The following NCK1 variants were observed in gnomAD, a reference collection of about 807,000 sequenced individuals.
NCK1 encodes the protein NCK adaptor protein 1.
A neutral mutation model predicts 36.6 loss-of-function variants in NCK1; 19 were observed. The ratio of observed to expected loss-of-function variants is 0.52; its 90% CI spans 0.36 to 0.76. NCK1 has a LOEUF of 0.76. NCK1 is among the 30% of genes least tolerant of loss of function. NCK1 has a pLI of 0.00. For missense variants in NCK1, 358 were observed against 445.6 expected (o/e 0.80, Z 1.77); for synonymous variants, 165 against 156.0 (o/e 1.06, Z -0.43).
intron 1 of NCK1, chr3:136,899,760 T>C: frequency 8.0e-7 from 1 of 1,246,964 alleles, no homozygotes; most frequent in Non-Finnish European, 1.2e-6. Flanking sequence ...TTCAACTCTT[T>C]TATCTTGAGA....
Position 136,951,480 on chromosome 3 carries a change from A to G in NCK1, c.*3027A>G, listed in dbSNP as rs1330122668. 6.6e-6 allele frequency among the ~76,000 whole-genome samples: 1 copy of G among 152,194 alleles called. No homozygotes were observed. The highest frequency in any genetic ancestry group is 6.5e-5 in the Admixed American group (1 of 15,276). ...CCTTTAAAAATGAGAAGCTAATAAC[A>G]TGAGTTGAATTCCCACAAGTCAACA... On this transcript the variant is annotated 3_prime_UTR_variant, in exon 4 of 4. Transcript: ENST00000481752.
At chr3:136,911,382 C>G (rs746781596) in intron 1 of NCK1, among the ~76,000 whole-genome samples, 18 of 152,180 alleles carry the variant, frequency 1.2e-4, no homozygotes, top group Admixed American at 2.0e-4. Flanking sequence ...CAGCAATGTA[C>G]AAATGTTTGC....
chr3:136,908,428 G>C (rs1939742575), intron 1 of NCK1, among the ~76,000 whole-genome samples: 2 of 152,222 alleles, frequency 1.3e-5, no homozygotes, highest in African/African-American at 4.8e-5. Flanking sequence ...TAGTGGACTA[G>C]ATGTACAGCT....
At chr3:136,931,076 TTTAA>T (rs1302005943) in intron 2 of NCK1, among the ~76,000 whole-genome samples, 6 of 152,266 alleles carry the variant, frequency 3.9e-5, no homozygotes, top group South Asian at 4.2e-4. Flanking sequence ...AATATTTTTA[TTTAA>T]TTAATGTAGT....
At chr3:136,866,183 C>A (rs1256940202) in intron 1 of NCK1, among the ~76,000 whole-genome samples, 1 of 151,412 alleles carries the variant, frequency 6.6e-6, no homozygotes, top group Non-Finnish European at 1.5e-5. Flanking sequence ...CTATTTCTTT[C>A]TTTTTTTTTA....
At chr3:136,886,868 A>C (rs1465858247) in intron 1 of NCK1, among the ~76,000 whole-genome samples, 1 of 120,522 alleles carries the variant, frequency 8.3e-6, no homozygotes, top group Non-Finnish European at 1.7e-5. Context: ...TCTGAGACGG[A>C]GTTTTGCTCT....
At chr3:136,898,205 G>A (rs1374353717) in intron 1 of NCK1, among the ~76,000 whole-genome samples, 5 of 152,076 alleles carry the variant, frequency 3.3e-5, no homozygotes, top group Non-Finnish European at 5.9e-5. Flanking sequence ...AGACCAGCCT[G>A]GCCAACATGG....
chr3:136,931,661 C>A (rs1003970401), intron 2 of NCK1, among the ~76,000 whole-genome samples: 5 of 152,090 alleles, frequency 3.3e-5, no homozygotes, highest in African/African-American at 9.7e-5. Context: ...GAGCCTACTC[C>A]AAGCCAGGCA....
chr3:136,892,378 G>C (rs1939269493), intron 1 of NCK1, among the ~76,000 whole-genome samples: 1 of 152,150 alleles, frequency 6.6e-6, no homozygotes. Flanking sequence ...AGTCCAGTTT[G>C]ACTCTTTTCG....
chr3:136,919,045 T>G (rs1940038708), intron 1 of NCK1, among the ~76,000 whole-genome samples: 1 of 152,212 alleles, frequency 6.6e-6, no homozygotes, highest in Non-Finnish European at 1.5e-5. Context: ...AGTGAACTAC[T>G]GATTTACACA....
chr3:136,879,131 C>CAA lies in NCK1; in HGVS notation c.-19+16786_-19+16787dup, dbSNP rs35320281. ...AACAAACTGGGAACAATCAGAACAACAAAAAAAAAGGCTCAGTAGAACAGT... is the reference window on the plus strand; with the variant it reads ...AACAAACTGGGAACAATCAGAACAACAAAAAAAAAAAGGCTCAGTAGAACAGT... On this transcript the variant is annotated intron_variant, in intron 1 of 3. Coordinates refer to ENST00000481752, the MANE Select transcript of NCK1 (RefSeq NM_001291999.2). 6.7e-3 allele frequency among the ~76,000 whole-genome samples: 998 copies of CAA among 148,808 alleles called. 6 individuals carry two copies. The highest frequency in any genetic ancestry group is 0.036 in the East Asian group (182 of 5,088).
At chr3:136,905,024 T>C (rs6768002) in intron 1 of NCK1, among the ~76,000 whole-genome samples, 1 of 149,206 alleles carries the variant, frequency 6.7e-6, no homozygotes, top group African/African-American at 2.4e-5. Flanking sequence ...TTTTTTTTTT[T>C]CTTTTTGAGA....
At chr3:136,881,364 T>A (rs1938930719) in intron 1 of NCK1, among the ~76,000 whole-genome samples, 1 of 152,004 alleles carries the variant, frequency 6.6e-6, no homozygotes, top group Admixed American at 6.6e-5. Context: ...GGACTACAGG[T>A]GCACGCCACT....
Position 136,905,821 on chromosome 3 carries a change from C to T in NCK1, c.-18-22163C>T, listed in dbSNP as rs569162374. 3.3e-5 allele frequency among the ~76,000 whole-genome samples: 5 copies of T among 151,572 alleles called. No individual in the cohort carries two copies. In the South Asian group the frequency reaches 1.0e-3, roughly 32 times the overall value. ...TGTATTTTTTTTAGAGATGGGGTCT[C>T]ACTATGTTGCCCTGGCTGGTCTTGA... On this transcript the variant is annotated intron_variant, in intron 1 of 3. Transcript: ENST00000481752.
intron 2 of NCK1, among the ~76,000 whole-genome samples, chr3:136,931,141 G>A (rs1940381026): frequency 6.6e-6 from 1 of 152,052 alleles, no homozygotes; most frequent in Non-Finnish European, 1.5e-5. Context: ...ATTTTGATAT[G>A]AGTTATGAGA....
chr3:136,882,650 C>G (rs1376237357), intron 1 of NCK1, among the ~76,000 whole-genome samples: 3 of 151,838 alleles, frequency 2.0e-5, no homozygotes, highest in Non-Finnish European at 4.4e-5. Context: ...TCTTATGTCA[C>G]CACCATAATC....
At chr3:136,927,490 A>T (rs568717798) in intron 1 of NCK1, among the ~76,000 whole-genome samples, 2 of 152,218 alleles carry the variant, frequency 1.3e-5, no homozygotes, top group South Asian at 4.1e-4. Flanking sequence ...GTTTTGTTTG[A>T]TACTAATAGA....
chr3:136,929,884 A>G (rs1940348976), intron 2 of NCK1, among the ~76,000 whole-genome samples: 1 of 152,196 alleles, frequency 6.6e-6, no homozygotes, highest in South Asian at 2.1e-4. Flanking sequence ...TATAATTTTT[A>G]TTTGTTAATA....
chr3:136,933,542 G>A (rs1940446397), intron 2 of NCK1, among the ~76,000 whole-genome samples: 1 of 151,986 alleles, frequency 6.6e-6, no homozygotes, highest in South Asian at 2.1e-4. Flanking sequence ...GTGGTAGTGA[G>A]GGAAAGATCA....
Sources: allele counts gnomAD v4.1 joint callset (sites outside exome capture counted in the v4.1 genomes callset), GRCh38; gene constraint gnomAD v4.1.1; transcripts MANE v1.5; gene names NCBI Gene and HGNC (gene_info 2026-07-23, HGNC 2026-07-21).